The following RIMS1 variants were observed in gnomAD, a reference collection of about 807,000 sequenced individuals.
The protein encoded by RIMS1 is regulating synaptic membrane exocytosis 1.
A neutral mutation model predicts 214.1 loss-of-function variants in RIMS1; 83 were observed. The ratio of observed to expected loss-of-function variants is 0.39; its 90% CI spans 0.32 to 0.47. The LOEUF is 0.47. Ranked by LOEUF, RIMS1 falls within the 20% of genes least tolerant of loss-of-function variation. The pLI is 0.99. For synonymous variants in RIMS1, 793 were observed against 786.8 expected, an observed-to-expected ratio of 1.01 and a Z score of -0.13; for missense variants, 2,050 against 2,161.8, an observed-to-expected ratio of 0.95 and a Z score of 1.03.
intron 6 of RIMS1, among the ~76,000 whole-genome samples, chr6:72,228,384 A>G (rs1335913554): frequency 6.6e-6 from 1 of 151,904 alleles, no homozygotes; most frequent in Non-Finnish European, 1.5e-5. Flanking sequence ...TAGATTCCTC[A>G]TATAATACTA....
In RIMS1 at chr6:71,916,634, C is replaced by T. The variant is rs190438436; in HGVS notation, c.164+29447C>T. Among the ~76,000 whole-genome samples, 400 of 152,194 alleles carry T rather than the reference C, an allele frequency of 2.6e-3. 1 individual carries two copies. Among genetic ancestry groups the T allele is most frequent in the Non-Finnish European group, 2.9e-3 (197 of 68,006 alleles). On this transcript the variant is annotated intron_variant, in intron 1 of 33. Coordinates refer to ENST00000521978, the MANE Select transcript of RIMS1 (RefSeq NM_014989.7). ...ATAATTAATTTTGTAATGTGGAGAT[C>T]ATTCCTTTCTAGAATTATAGCGAAC...
At chr6:72,167,120 G>C (rs925305700) in intron 4 of RIMS1, among the ~76,000 whole-genome samples, 3 of 151,642 alleles carry the variant, frequency 2.0e-5, no homozygotes, top group African/African-American at 7.3e-5. Context: ...TGTCTAGTTT[G>C]TTGAGCATTT....
chr6:72,088,537 C>T (rs1331610589), intron 2 of RIMS1, among the ~76,000 whole-genome samples: 1 of 152,098 alleles, frequency 6.6e-6, no homozygotes, highest in African/African-American at 2.4e-5. Flanking sequence ...GGATTGCAGA[C>T]GTGAGCCACT....
At chr6:72,224,017 A>T (rs1163632245) in intron 6 of RIMS1, among the ~76,000 whole-genome samples, 1 of 152,046 alleles carries the variant, frequency 6.6e-6, no homozygotes, top group Non-Finnish European at 1.5e-5. Context: ...ACCAAAAGAA[A>T]GTTTCTTTTC....
At chr6:72,204,593 T>C (rs973250318) in intron 6 of RIMS1, among the ~76,000 whole-genome samples, 4 of 152,228 alleles carry the variant, frequency 2.6e-5, no homozygotes, top group African/African-American at 9.6e-5. Context: ...TTCTCCTCAA[T>C]CGTTCTCTTT....
rs200339642 is a variant in RIMS1, at chr6:71,992,404, C to CTATT, written c.245+23342_245+23343insATTT. On this transcript the variant is annotated intron_variant, in intron 2 of 33. Transcript: ENST00000521978. ...TGCTTGCTTCTTTCTTTCTCTCTCTCTCTTTCTTTCTTTCTTTCTTTCTTT... is the reference window on the plus strand; with the variant it reads ...TGCTTGCTTCTTTCTTTCTCTCTCTCTATTTCTTTCTTTCTTTCTTTCTTTCTTT... 3.6e-5 allele frequency among the ~76,000 whole-genome samples: 4 copies of CTATT among 110,164 alleles called. No homozygotes were observed. The South Asian group carries it at 1.2e-3, about 32-fold the overall frequency. The allele number at this position is 110,164 out of a possible 152,430, so 72.3% of individuals were successfully genotyped here. A position where few individuals can be genotyped will look rare whatever the true frequency, so the allele number is the denominator to read the frequency against.
At chr6:72,300,799 A>C (rs894716685) in intron 26 of RIMS1, among the ~76,000 whole-genome samples, 6 of 151,740 alleles carry the variant, frequency 4.0e-5, no homozygotes, top group Admixed American at 3.3e-4. Flanking sequence ...GCAGTTTTAC[A>C]TTGAGAAATT....
At chr6:72,119,387 C>A (rs2037749986) in intron 4 of RIMS1, among the ~76,000 whole-genome samples, 1 of 151,722 alleles carries the variant, frequency 6.6e-6, no homozygotes, top group African/African-American at 2.4e-5. Context: ...GACAATAATA[C>A]CCAAAGCAAT....
chr6:72,118,534 T>C (rs2037551860), intron 4 of RIMS1, among the ~76,000 whole-genome samples: 2 of 151,502 alleles, frequency 1.3e-5, no homozygotes, highest in Non-Finnish European at 3.0e-5. Flanking sequence ...AAGAAAACTA[T>C]GGACTGATAT....
intron 28 of RIMS1, among the ~76,000 whole-genome samples, chr6:72,322,680 G>C (rs1351695249): frequency 2.0e-5 from 3 of 152,084 alleles, no homozygotes; most frequent in Non-Finnish European, 4.4e-5. Flanking sequence ...TTCAATTTTT[G>C]AAAGGAGGGG....
At chr6:72,381,647 T>C (rs1156351036) in intron 29 of RIMS1, among the ~76,000 whole-genome samples, 1 of 152,278 alleles carries the variant, frequency 6.6e-6, no homozygotes, top group Admixed American at 6.5e-5. Flanking sequence ...CTATTGTTTA[T>C]ACTTTCAATA....
At chr6:72,014,341 C>A (rs1248768837) in intron 2 of RIMS1, among the ~76,000 whole-genome samples, 1 of 152,330 alleles carries the variant, frequency 6.6e-6, no homozygotes, top group African/African-American at 2.4e-5. Context: ...ATGGAAACTA[C>A]AATTCAAGAT....
intron 2 of RIMS1, among the ~76,000 whole-genome samples, chr6:72,082,532 A>C (rs1833664499): frequency 6.6e-6 from 1 of 152,318 alleles, no homozygotes; most frequent in East Asian, 1.9e-4. Flanking sequence ...TTTTGAACCC[A>C]GGAAATTTGG....
intron 4 of RIMS1, among the ~76,000 whole-genome samples, chr6:72,165,947 A>C (rs2153944011): frequency 6.6e-6 from 1 of 152,190 alleles, no homozygotes; most frequent in East Asian, 1.9e-4. Context: ...TAAATATGGT[A>C]TATGTCTGCA....
chr6:72,037,511 G>GT (rs898730687), intron 2 of RIMS1, among the ~76,000 whole-genome samples: 36 of 150,936 alleles, frequency 2.4e-4, no homozygotes, highest in Middle Eastern at 3.5e-3. Context: ...TGAGGTTTTA[G>GT]TTTTTTTTTA....
intron 2 of RIMS1, among the ~76,000 whole-genome samples, chr6:72,038,324 A>G (rs1246906824): frequency 6.6e-6 from 1 of 151,464 alleles, no homozygotes; most frequent in Non-Finnish European, 1.5e-5. Context: ...TAGGCTTTTG[A>G]TAATCTGTGG....
rs376491487 is a variant in RIMS1 at position 71,969,063 on chromosome 6, C to T, written c.245C>T (p.Pro82Leu). ...GAAAACCAGCCCCACCAACCTTCAC[C>T]GTGAGTATGGCATTGGTTTTATTGA... ...NAENQPHQPS[P>L]RLHQQFESYK... The change falls in exon 2 of 34, where the codon CCG (proline) becomes CTG (leucine). Residue 82 changes from proline to leucine, a missense_variant and splice_region_variant. By Grantham distance (98) the Pro-to-Leu change is moderately conservative. Coordinates refer to ENST00000521978, the MANE Select transcript of RIMS1 (RefSeq NM_014989.7). 17 of 1,613,676 alleles carry T rather than the reference C, an allele frequency of 1.1e-5. No individual in the cohort carries two copies. Among genetic ancestry groups the T allele is most frequent in the African/African-American group, 6.7e-5 (5 of 74,922 alleles).
At chr6:72,265,629 G>A in intron 21 of RIMS1, 126 bp downstream of exon 21, 2 of 581,032 alleles carry the variant, frequency 3.4e-6, no homozygotes, top group Non-Finnish European at 5.9e-6. Flanking sequence ...ATCTGTTCCT[G>A]GTAATGAAAT....
At chr6:72,125,647 T>C (rs1186862072) in intron 4 of RIMS1, among the ~76,000 whole-genome samples, 1 of 152,196 alleles carries the variant, frequency 6.6e-6, no homozygotes, top group Non-Finnish European at 1.5e-5. Flanking sequence ...TCCACCCAGT[T>C]CGAGCTTCCT....
Sources: gnomAD v4.1 joint callset for allele counts (sites outside exome capture counted in the v4.1 genomes callset) on GRCh38, gnomAD v4.1.1 for gene constraint, MANE v1.5 for transcripts, NCBI Gene and HGNC (gene_info 2026-07-23, HGNC 2026-07-21) for gene names.